Variants in ACAD10 observed in about 807,000 individuals in gnomAD.
ACAD10 encodes the protein acyl-CoA dehydrogenase family member 10, also known as ACAD-10.
Under a neutral mutation model 116.8 loss-of-function variants are expected in ACAD10, and 112 were observed. That is an observed-to-expected ratio of 0.96 (90% CI 0.82 to 1.12). ACAD10 has a LOEUF of 1.12. Among genes scored for constraint, ACAD10 ranks in the 50% most tolerant of loss-of-function variants. The probability of loss-of-function intolerance (pLI) is 0.00; values close to 1 mark genes in which losing one functional copy is unlikely to be tolerated. For synonymous variants in ACAD10, 486 were observed against 510.6 expected (o/e 0.95, Z 0.65); for missense variants, 1,259 against 1,350.2 (o/e 0.93, Z 1.06).
rs1239431516 is a variant in ACAD10 at position 111,747,185 on chromosome 12, A to G, written c.2393A>G (p.Gln798Arg). ...TCCTGTTTTGCTATGACCGAGCCCC[A>G]GGTACGTCGCCTGGGCTGCCACCCA... ...ARSCFAMTEP[Q>R]VASSDATNIE... is the part of the protein sequence containing the mutation. The change falls in exon 15 of 21, where the codon CAG becomes CGG. Residue 798 changes from glutamine to arginine, a missense_variant and splice_region_variant. Gln to Arg is a conservative substitution (Grantham distance 43, BLOSUM62 1). Transcript: ENST00000313698. 6.2e-7 allele frequency: 1 copy of G among 1,609,360 alleles called. No individual in the cohort carries two copies. Among genetic ancestry groups the G allele is most frequent in the Non-Finnish European group, 8.5e-7 (1 of 1,176,380 alleles).
chr12:111,756,303 G>A (rs748138378), intron 20 of ACAD10, 30 bp from the exon 21 acceptor site: 1 of 1,557,540 alleles, frequency 6.4e-7, no homozygotes, highest in Non-Finnish European at 8.6e-7. Context: ...GCTGACCCAG[G>A]GCCGCCTCCC....
rs915467847 is a variant in ACAD10, at chr12:111,736,720, C to T, written c.1541-111C>T. ...GAATAAGCTAACCCATGGAACTGGT[C>T]GTGAAACTAATTTGCAAGGGACATG... On this transcript the variant is annotated intron_variant, in intron 11 of 20. Transcript: ENST00000313698. 28 of 1,109,306 alleles carry T rather than the reference C, an allele frequency of 2.5e-5. No homozygotes were observed. In the South Asian group the frequency reaches 2.8e-4, roughly 11 times the overall value. 68.7% of individuals were successfully genotyped at this position (1,109,306 alleles called of 1,614,324 possible). A position where few individuals can be genotyped will look rare whatever the true frequency, so the allele number is the denominator to read the frequency against.
intron 8 of ACAD10, among the ~76,000 whole-genome samples, chr12:111,725,401 T>C (rs1202083640): frequency 1.3e-5 from 2 of 152,108 alleles, no homozygotes; most frequent in South Asian, 2.1e-4. Flanking sequence ...TCCTACCTAC[T>C]TACCCGGAAG....
In ACAD10 at chr12:111,728,056, G is replaced by A. The variant is rs1394320296; in HGVS notation, c.1156G>A (p.Ala386Thr). ...LPGLEPSHRR[A>T]IYTAMNTVLC... ...AGGCTTGGAGCCCAGCCACAGACGA[G>A]CCATATACACTGCCATGAACACAGT... Residue 386 changes from alanine to threonine, a missense_variant, in exon 9 of 21, where the codon GCC (alanine) becomes ACC (threonine). Ala to Thr is a moderately conservative substitution (Grantham distance 58). Transcript: ENST00000313698. 6.2e-7 allele frequency: 1 copy of A among 1,614,154 alleles called. No individual in the cohort carries two copies. Among genetic ancestry groups the A allele is most frequent in the African/African-American group, 1.3e-5 (1 of 75,036 alleles).
chr12:111,754,426 C>T (rs1315303930), intron 19 of ACAD10, among the ~76,000 whole-genome samples: 1 of 152,182 alleles, frequency 6.6e-6, no homozygotes, highest in Non-Finnish European at 1.5e-5. Flanking sequence ...GCTGGGACTC[C>T]AGGCGCAAAC....
At chr12:111,709,318 C>T (rs1485596436) in intron 4 of ACAD10, among the ~76,000 whole-genome samples, 1 of 152,124 alleles carries the variant, frequency 6.6e-6, no homozygotes, top group East Asian at 1.9e-4. Flanking sequence ...TTTGGTTTCT[C>T]GAGTTTGCCC....
At chr12:111,714,306 G>C (rs946757195) in intron 6 of ACAD10, among the ~76,000 whole-genome samples, 6 of 151,770 alleles carry the variant, frequency 4.0e-5, no homozygotes, top group African/African-American at 1.5e-4. Flanking sequence ...ATTTCTTGGA[G>C]ACAAGTTTTC....
chr12:111,721,888 G>T, intron 8 of ACAD10, 149 bp downstream of exon 8: 2 of 510,474 alleles, frequency 3.9e-6, no homozygotes, highest in Non-Finnish European at 3.4e-6. Context: ...GAAGTTCTCA[G>T]ATATTTAAGT....
In ACAD10 at chr12:111,728,030, C is replaced by T. The variant is rs1467092600; in HGVS notation, c.1130C>T (p.Pro377Leu). ...PGLIYKDPSLPGLEPSHRRAI... is the reference protein window; with the variant it reads ...PGLIYKDPSLLGLEPSHRRAI... ...CTCATCTACAAAGACCCTTCCCTGC[C>T]AGGCTTGGAGCCCAGCCACAGACGA... Residue 377 changes from proline to leucine, a missense_variant, in exon 9 of 21, where the codon CCA becomes CTA. By Grantham distance (98) the Pro-to-Leu change is moderately conservative (BLOSUM62 -3). Coordinates refer to ENST00000313698, the MANE Select transcript of ACAD10 (RefSeq NM_025247.6). 1.9e-6 allele frequency: 3 copies of T among 1,613,992 alleles called. No individual in the cohort carries two copies. The highest frequency in any genetic ancestry group is 1.3e-5 in the African/African-American group (1 of 74,904).
At chr12:111,699,492 A>G (rs1888288039) in intron 2 of ACAD10, among the ~76,000 whole-genome samples, 1 of 152,126 alleles carries the variant, frequency 6.6e-6, no homozygotes, top group African/African-American at 2.4e-5. Flanking sequence ...TGTGGGGGGC[A>G]TATACAAATT....
At chr12:111,705,163 T>C (rs1288337579) in intron 3 of ACAD10, among the ~76,000 whole-genome samples, 1 of 152,182 alleles carries the variant, frequency 6.6e-6, no homozygotes, top group African/African-American at 2.4e-5. Flanking sequence ...CTGTATCCTC[T>C]TATGATATGC....
chr12:111,747,052 T>C lies in ACAD10; in HGVS notation c.2260T>C (p.Cys754Arg), dbSNP rs1889925630. 8.2e-6 allele frequency: 13 copies of C among 1,592,696 alleles called. No homozygotes were observed. The highest frequency in any genetic ancestry group is 1.1e-5 in the Non-Finnish European group (13 of 1,167,888). ...MGTSLYAPEV[C>R]NCSAPDTGNM... The stretch of plus-strand genomic sequence containing the variant: ...TCACGCTCCTTTTCCTTCTCAGGTA[T>C]GTAACTGCTCTGCGCCTGACACGGG... The change falls in exon 15 of 21, where the codon TGT (cysteine) becomes CGT (arginine). Residue 754 changes from cysteine to arginine, a missense_variant. Physicochemically the swap from Cys to Arg is radical, Grantham distance 180. Coordinates refer to ENST00000313698, the MANE Select transcript of ACAD10 (RefSeq NM_025247.6).
Position 111,744,918 on chromosome 12 carries a change from A to G in ACAD10, c.1990A>G (p.Arg664Gly). ...TCCAGAGAGCCTCTCTCCACCTGTC[A>G]GAGAGCTGTATCACCGGCTGAAGCA... Reference protein sequence around the residue: ...ISPESLSPPVRELYHRLKHFM... With the variant: ...ISPESLSPPVGELYHRLKHFM... Residue 664 changes from arginine (R) to glycine (G), a missense_variant, in exon 13 of 21, where the codon AGA becomes GGA. Arg to Gly is a moderately radical substitution (Grantham distance 125, BLOSUM62 -2). Coordinates refer to ENST00000313698, the MANE Select transcript of ACAD10 (RefSeq NM_025247.6). The G allele has an allele frequency of 1.2e-6, 2 of 1,614,154 alleles. No homozygotes were observed. Among genetic ancestry groups the G allele is most frequent in the Non-Finnish European group, 1.7e-6 (2 of 1,180,018 alleles).
chr12:111,704,146 T>G (rs1331657374), intron 3 of ACAD10, among the ~76,000 whole-genome samples: 1 of 151,476 alleles, frequency 6.6e-6, no homozygotes, highest in Non-Finnish European at 1.5e-5. Context: ...TTTTTTTTTT[T>G]TAATTTTTTT....
intron 2 of ACAD10, among the ~76,000 whole-genome samples, chr12:111,699,950 T>C (rs1888302391): frequency 6.6e-6 from 1 of 150,986 alleles, no homozygotes; most frequent in Non-Finnish European, 1.5e-5. Context: ...CTAGATAGGC[T>C]TTGTGAGCCA....
At position 111,705,809 on chromosome 12, in the gene ACAD10, A is replaced by C. The variant is rs552625581; in HGVS notation, c.408A>C (p.Pro136=). Residue 136 remains proline (P), a synonymous_variant, in exon 4 of 21, where the codon CCA becomes CCC. Coordinates refer to ENST00000313698, the MANE Select transcript of ACAD10 (RefSeq NM_025247.6). ...LTSERVAKQF[P]VMTEAITQIR... is the part of the protein sequence containing the mutation. ...GTGAGCGAGTGGCAAAGCAGTTCCC[A>C]GTGATGACTGAGGCCATAACTCAAA... 4 of 1,614,212 alleles carry C rather than the reference A, an allele frequency of 2.5e-6. No homozygotes were observed. The highest frequency in any genetic ancestry group is 2.7e-5 in the African/African-American group (2 of 75,058).
chr12:111,730,013 A>G (rs1471804632), intron 10 of ACAD10, 57 bp downstream of exon 10: 2 of 1,571,254 alleles, frequency 1.3e-6, no homozygotes, highest in African/African-American at 2.7e-5. Flanking sequence ...CCAAGGGGGA[A>G]TTGAGCAATT....
At chr12:111,749,539 A>G (rs753721492) in intron 18 of ACAD10, 194 bp downstream of exon 18, 69 of 735,762 alleles carry the variant, frequency 9.4e-5, no homozygotes, top group Middle Eastern at 7.7e-4. Flanking sequence ...AGCAGAATGG[A>G]CCCCACTCTG....
chr12:111,730,011 G>T lies in ACAD10; in HGVS notation c.1394+55G>T. 4 of 1,578,048 alleles carry T rather than the reference G, an allele frequency of 2.5e-6. No individual in the cohort carries two copies. The South Asian group carries it at 3.4e-5, about 14-fold the overall frequency. On this transcript the variant is annotated intron_variant, in intron 10 of 20. Coordinates refer to ENST00000313698, the MANE Select transcript of ACAD10 (RefSeq NM_025247.6). ...ATGACAGCAAGGATGCTCCAAGGGG[G>T]AATTGAGCAATTGGTCTTGGTGCAA...
Sources: gnomAD v4.1 joint callset for allele counts (sites outside exome capture counted in the v4.1 genomes callset) on GRCh38, gnomAD v4.1.1 for gene constraint, MANE v1.5 for transcripts, NCBI Gene and HGNC (gene_info 2026-07-23, HGNC 2026-07-21) for gene names.